PCDH15: variants seen among roughly 807,000 people sequenced by gnomAD.
PCDH15 encodes the protein protocadherin related 15, also known as protocadherin-15.
In PCDH15, 129 loss-of-function variants were observed where a neutral mutation model predicts 178.5. That is an observed-to-expected ratio of 0.72 (90% CI 0.63 to 0.84). The LOEUF is 0.84. Among genes scored for constraint, PCDH15 ranks in the 40% least tolerant of loss-of-function variants. PCDH15 has a pLI of 0.00. For synonymous variants in PCDH15, 800 were observed against 732.0 expected (o/e 1.09, Z -1.50); for missense variants, 2,230 against 2,099.9 (o/e 1.06, Z -1.21).
intron 2 of PCDH15, among the ~76,000 whole-genome samples, chr10:54,545,347 A>G (rs1000926834): frequency 6.6e-6 from 1 of 152,204 alleles, no homozygotes; most frequent in Admixed American, 6.5e-5. Context: ...ATAATAGAAA[A>G]GTATGCAATG....
At chr10:54,926,158 G>C (rs1286555761) in intron 2 of PCDH15, among the ~76,000 whole-genome samples, 1 of 152,058 alleles carries the variant, frequency 6.6e-6, no homozygotes, top group Admixed American at 6.6e-5. Flanking sequence ...TAACCTGAAG[G>C]AATGTTGAAT....
At chr10:55,335,054 C>T (rs939593916) in intron 2 of PCDH15, among the ~76,000 whole-genome samples, 4 of 152,172 alleles carry the variant, frequency 2.6e-5, no homozygotes, top group Non-Finnish European at 5.9e-5. Flanking sequence ...TTGCAATCTG[C>T]TATGGGGTCT....
chr10:55,294,787 C>G (rs76700264), intron 1 of PCDH15, among the ~76,000 whole-genome samples: 2,095 of 152,202 alleles, frequency 0.014, 48 homozygotes, highest in African/African-American at 0.048. Context: ...TATTCTGGAC[C>G]AAGGTTACTG....
intron 8 of PCDH15, among the ~76,000 whole-genome samples, chr10:54,307,175 T>C (rs2060614647): frequency 7.9e-6 from 1 of 126,716 alleles, no homozygotes; most frequent in Non-Finnish European, 1.7e-5. Flanking sequence ...AGGCTCCAGG[T>C]ACTTGGAAAG....
chr10:54,695,759 G>T (rs879942986), intron 1 of PCDH15, among the ~76,000 whole-genome samples: 13 of 151,844 alleles, frequency 8.6e-5, no homozygotes, highest in Non-Finnish European at 1.8e-4. Context: ...TACTATAACT[G>T]TGCTCTATGA....
At chr10:54,150,112 A>G (rs2044375157) in intron 14 of PCDH15, among the ~76,000 whole-genome samples, 1 of 152,136 alleles carries the variant, frequency 6.6e-6, no homozygotes, top group African/African-American at 2.4e-5. Flanking sequence ...GACTTCCAGT[A>G]TGTAGATGAC....
intron 3 of PCDH15, among the ~76,000 whole-genome samples, chr10:54,437,383 T>A (rs972437458): frequency 3.3e-5 from 5 of 152,106 alleles, no homozygotes; most frequent in Non-Finnish European, 7.4e-5. Flanking sequence ...AAGAAAAAAA[T>A]TAATAAATTT....
Position 55,049,316 on chromosome 10 carries a change from A to G in PCDH15, c.-80+117260T>C, listed in dbSNP as rs558233947. Among the ~76,000 whole-genome samples, 3 of 152,046 alleles carry G rather than the reference A, an allele frequency of 2.0e-5. No individual in the cohort carries two copies. The East Asian group carries it at 5.8e-4, about 29-fold the overall frequency. ...GTCACTTTCTTGAACACAGCATGCA[A>G]CGAACACTTCAGTCATACAGACTGT... On this transcript the variant is annotated intron_variant, in intron 2 of 5. Transcript: ENST00000458638.
intron 18 of PCDH15, among the ~76,000 whole-genome samples, chr10:54,049,408 A>G (rs2093720189): frequency 6.6e-6 from 1 of 152,086 alleles, no homozygotes; most frequent in Admixed American, 6.5e-5. Context: ...TAATATGTTA[A>G]ATAGGAGGGG....
intron 2 of PCDH15, among the ~76,000 whole-genome samples, chr10:54,573,338 G>T (rs1197451091): frequency 2.0e-5 from 3 of 152,042 alleles, no homozygotes; most frequent in Non-Finnish European, 4.4e-5. Context: ...AAGTGCTGAG[G>T]CTGTGTTTAC....
At chr10:54,244,956 A>G (rs2055774223) in intron 8 of PCDH15, among the ~76,000 whole-genome samples, 1 of 152,302 alleles carries the variant, frequency 6.6e-6, no homozygotes, top group South Asian at 2.1e-4. Context: ...GATAATAATG[A>G]TATGGTTCCC....
At chr10:54,838,179 C>T (rs1953352225) in intron 3 of PCDH15, among the ~76,000 whole-genome samples, 1 of 152,022 alleles carries the variant, frequency 6.6e-6, no homozygotes, top group Non-Finnish European at 1.5e-5. Context: ...GGGATCAGTC[C>T]TGTCCACCTA....
chr10:54,283,058 G>A (rs1438884809), intron 8 of PCDH15, among the ~76,000 whole-genome samples: 2 of 152,096 alleles, frequency 1.3e-5, no homozygotes, highest in African/African-American at 2.4e-5. Context: ...ATTACGAGTT[G>A]AATGTGTGCA....
chr10:54,489,638 G>A (rs2079404091), intron 3 of PCDH15, among the ~76,000 whole-genome samples: 1 of 152,078 alleles, frequency 6.6e-6, no homozygotes, highest in Non-Finnish European at 1.5e-5. Context: ...AGAAGAGAGA[G>A]ATGTACATAT....
chr10:55,178,152 T>G (rs1179330379), intron 1 of PCDH15, among the ~76,000 whole-genome samples: 2 of 152,130 alleles, frequency 1.3e-5, no homozygotes, highest in African/African-American at 4.8e-5. Context: ...ATTAACAGAC[T>G]ATTATTCTAG....
At chr10:54,698,245 A>G (rs769825378) in intron 1 of PCDH15, among the ~76,000 whole-genome samples, 3 of 152,146 alleles carry the variant, frequency 2.0e-5, no homozygotes, top group Admixed American at 6.6e-5. Flanking sequence ...ATTAGGAGAG[A>G]CAAGCTAATT....
chr10:55,226,519 T>A (rs1363414579), intron 1 of PCDH15, among the ~76,000 whole-genome samples: 19 of 151,950 alleles, frequency 1.3e-4, no homozygotes, highest in Admixed American at 5.9e-4. Flanking sequence ...GTAGCTGGGA[T>A]TACAGGCACC....
chr10:55,030,398 TTG>T (rs1840580749), intron 2 of PCDH15, among the ~76,000 whole-genome samples: 2 of 152,170 alleles, frequency 1.3e-5, no homozygotes, highest in Non-Finnish European at 2.9e-5. Flanking sequence ...GAGGGATATT[TTG>T]TAGAATAAAC....
intron 5 of PCDH15, among the ~76,000 whole-genome samples, chr10:54,365,438 T>G (rs1461362221): frequency 6.6e-6 from 1 of 152,054 alleles, no homozygotes; most frequent in Non-Finnish European, 1.5e-5. Context: ...TGCCTCAGGA[T>G]GGTAAAAATA....
Sources: allele counts gnomAD v4.1 joint callset (sites outside exome capture counted in the v4.1 genomes callset), GRCh38; gene constraint gnomAD v4.1.1; transcripts MANE v1.5; gene names NCBI Gene and HGNC (gene_info 2026-07-23, HGNC 2026-07-21).